Variants in ITPR1 observed in about 807,000 individuals in gnomAD.
The protein encoded by ITPR1 is inositol 1,4,5-trisphosphate-gated calcium channel ITPR1.
A neutral mutation model predicts 318.4 loss-of-function variants in ITPR1; 96 were observed. The ratio of observed to expected loss-of-function variants is 0.30; its 90% CI spans 0.26 to 0.36. The LOEUF is 0.36. Among genes scored for constraint, ITPR1 ranks in the 10% least tolerant of loss-of-function variants. The pLI is 1.00. For missense variants in ITPR1, 2,440 were observed against 3,460.2 expected (o/e 0.71, Z 7.40); for synonymous variants, 1,312 against 1,289.9 (o/e 1.02, Z -0.37).
chr3:4,641,770 G>A (rs767882163), intron 6 of ITPR1, among the ~76,000 whole-genome samples: 2 of 152,168 alleles, frequency 1.3e-5, no homozygotes, highest in East Asian at 1.9e-4. Flanking sequence ...TCCTTAGCCC[G>A]TTCACATAGG....
rs189703703 is a variant in ITPR1 at position 4,710,542 on chromosome 3, C to G, written c.4991+69C>G. 7 of 1,457,486 alleles carry G rather than the reference C, an allele frequency of 4.8e-6. No homozygotes were observed. Among genetic ancestry groups the G allele is most frequent in the Non-Finnish European group, 6.5e-6 (7 of 1,074,260 alleles). 90.3% of individuals were successfully genotyped at this position (1,457,486 alleles called of 1,614,324 possible). A position where few individuals can be genotyped will look rare whatever the true frequency, so the allele number is the denominator to read the frequency against. On this transcript the variant is annotated intron_variant, in intron 38 of 61. Coordinates refer to ENST00000649015, the MANE Select transcript of ITPR1 (RefSeq NM_001378452.1). The surrounding 1 kb of genome is among the most constrained non-coding windows in gnomAD (Gnocchi z 4.2). ...GATGACCTCACAAAGCTTTTGTTCC[C>G]GAAGAAGGAGACGTTGTCCTGTTTT... is the stretch of plus-strand genomic sequence containing the variant.
chr3:4,510,958 G>C (rs1222889908), intron 2 of ITPR1, among the ~76,000 whole-genome samples: 2 of 152,138 alleles, frequency 1.3e-5, no homozygotes, highest in Admixed American at 1.3e-4. Context: ...GGGAGGACTG[G>C]AGGAGCCACC....
chr3:4,801,054 G>C (rs2048197790), intron 54 of ITPR1, among the ~76,000 whole-genome samples: 1 of 152,216 alleles, frequency 6.6e-6, no homozygotes, highest in African/African-American at 2.4e-5. Flanking sequence ...CAGGTGGAGA[G>C]GGAAGAGGAG....
intron 2 of ITPR1, among the ~76,000 whole-genome samples, chr3:4,507,202 A>G (rs992273112): frequency 6.6e-6 from 1 of 151,588 alleles, no homozygotes; most frequent in African/African-American, 2.4e-5. Flanking sequence ...CTGTTGTTAC[A>G]TCATGTGCCT....
chr3:4,647,766 G>C (rs4402917), intron 10 of ITPR1, among the ~76,000 whole-genome samples: 148,020 of 152,324 alleles, frequency 0.97, 72,070 homozygotes, highest in East Asian at 1. Flanking sequence ...TGCTTATTTG[G>C]CATCTGTGTA....
rs80123990 is a variant in ITPR1 at position 4,663,223 on chromosome 3, G to A, written c.1554+17G>A. ...CTCAAGCAGGTCGGTGAGATGTGGC[G>A]TACTGGGGATTTGGCTTTATGAGAA... On this transcript the variant is annotated intron_variant, in intron 16 of 61. Transcript: ENST00000649015. 1.9e-3 allele frequency: 3,072 copies of A among 1,597,516 alleles called. 44 individuals carry two copies. The African/African-American group carries it at 0.034, about 17-fold the overall frequency.
intron 4 of ITPR1, among the ~76,000 whole-genome samples, chr3:4,547,935 A>G (rs1415672968): frequency 6.6e-6 from 1 of 152,044 alleles, no homozygotes; most frequent in Non-Finnish European, 1.5e-5. Context: ...TTCTGCATCC[A>G]CTTACGAAGC....
At chr3:4,678,540 G>A (rs13325766) in intron 24 of ITPR1, among the ~76,000 whole-genome samples, 19,913 of 152,192 alleles carry the variant, frequency 0.13, 1,457 homozygotes, top group Middle Eastern at 0.21. Flanking sequence ...AAAATGATTC[G>A]AACAGGGGCT....
chr3:4,630,664 C>G (rs1322404434), intron 5 of ITPR1, among the ~76,000 whole-genome samples: 1 of 151,634 alleles, frequency 6.6e-6, no homozygotes, highest in African/African-American at 2.4e-5. Context: ...CGGCCTACTG[C>G]AACCTCCGCC....
intron 26 of ITPR1, 128 bp from the exon 27 acceptor site, chr3:4,683,258 A>G: frequency 1.2e-6 from 1 of 862,556 alleles, no homozygotes; most frequent in South Asian, 1.4e-5. Context: ...AGCTAATGAA[A>G]AGTGAAATTG....
At chr3:4,652,589 C>T (rs1299120528) in intron 11 of ITPR1, among the ~76,000 whole-genome samples, 4 of 152,088 alleles carry the variant, frequency 2.6e-5, no homozygotes, top group East Asian at 1.9e-4. Context: ...TATGTGGAAC[C>T]GGAAGCACTA....
intron 4 of ITPR1, among the ~76,000 whole-genome samples, chr3:4,545,851 C>T (rs937473772): frequency 7.9e-5 from 12 of 151,780 alleles, no homozygotes; most frequent in African/African-American, 2.7e-4. Context: ...GCTAGGACCC[C>T]CATGCTTGGC....
chr3:4,686,696 G>A (rs2094400863), intron 30 of ITPR1, among the ~76,000 whole-genome samples: 1 of 152,220 alleles, frequency 6.6e-6, no homozygotes. Flanking sequence ...GAACGGTGGA[G>A]GAATCCCCCA....
intron 45 of ITPR1, among the ~76,000 whole-genome samples, chr3:4,767,543 C>G (rs749977766): frequency 3.9e-5 from 6 of 152,232 alleles, no homozygotes; most frequent in African/African-American, 9.6e-5. Context: ...AATCTTGGCT[C>G]TGTCTCACTC....
At chr3:4,772,972 A>G (rs1032724018) in intron 46 of ITPR1, among the ~76,000 whole-genome samples, 5 of 152,178 alleles carry the variant, frequency 3.3e-5, no homozygotes, top group African/African-American at 1.2e-4. Flanking sequence ...TCTTCCCTCC[A>G]TTCATTTCAT....
chr3:4,498,698 T>C (rs1365298973), intron 2 of ITPR1, among the ~76,000 whole-genome samples: 2 of 152,088 alleles, frequency 1.3e-5, no homozygotes, highest in Non-Finnish European at 2.9e-5. Flanking sequence ...TTACCTGGAG[T>C]TGTAATTCAC....
chr3:4,662,960 TG>T (rs1387575173), intron 15 of ITPR1, 104 bp from the exon 16 acceptor site: 1 of 906,860 alleles, frequency 1.1e-6, no homozygotes, highest in African/African-American at 1.7e-5. Flanking sequence ...AGTGTGGGTC[TG>T]CCCCTGTTTA....
chr3:4,758,596 G>A (rs192268226), intron 44 of ITPR1, among the ~76,000 whole-genome samples: 1 of 152,306 alleles, frequency 6.6e-6, no homozygotes, highest in East Asian at 1.9e-4. Context: ...CTAGGTCATG[G>A]AGAAGATTTG....
At chr3:4,639,620 T>C in intron 6 of ITPR1, 150 bp downstream of exon 6, 1 of 645,334 alleles carries the variant, frequency 1.5e-6, no homozygotes, top group Non-Finnish European at 2.8e-6. Flanking sequence ...TGTTTCTTGT[T>C]AGATGTGATA....
Sources: allele counts gnomAD v4.1 joint callset (sites outside exome capture counted in the v4.1 genomes callset), GRCh38; gene constraint gnomAD v4.1.1; non-coding constraint Gnocchi (gnomAD v3.1); transcripts MANE v1.5; gene names NCBI Gene and HGNC (gene_info 2026-07-23, HGNC 2026-07-21).